The following WWC1 variants were observed in gnomAD, a reference collection of about 807,000 sequenced individuals.
The protein encoded by WWC1 is protein KIBRA.
Under a neutral mutation model 138.4 loss-of-function variants are expected in WWC1, and 55 were observed. That is an observed-to-expected ratio of 0.40 (90% CI 0.32 to 0.50). The LOEUF is 0.50. Ranked by LOEUF, WWC1 falls within the 20% of genes least tolerant of loss-of-function variation. The pLI, the probability that WWC1 is intolerant of heterozygous loss-of-function variation, is 0.72. For synonymous variants in WWC1, 524 were observed against 564.9 expected, an observed-to-expected ratio of 0.93 and a Z score of 1.03; for missense variants, 1,226 against 1,420.4, an observed-to-expected ratio of 0.86 and a Z score of 2.20.
At chr5:168,312,055 A>G (rs1771145277) in intron 1 of WWC1, among the ~76,000 whole-genome samples, 1 of 151,648 alleles carries the variant, frequency 6.6e-6, no homozygotes, top group African/African-American at 2.4e-5. Context: ...TCTAAAAAAA[A>G]AAAAATACAA....
intron 1 of WWC1, among the ~76,000 whole-genome samples, chr5:168,317,893 T>C (rs1234956240): frequency 6.6e-6 from 1 of 152,204 alleles, no homozygotes; most frequent in East Asian, 1.9e-4. Flanking sequence ...TGTAATGCAA[T>C]AGCCCAGTGA....
At chr5:168,345,392 A>G (rs1229621232) in intron 1 of WWC1, among the ~76,000 whole-genome samples, 1 of 152,206 alleles carries the variant, frequency 6.6e-6, no homozygotes, top group Non-Finnish European at 1.5e-5. Context: ...CTACCATGCC[A>G]GGCCTGAAAT....
chr5:168,333,448 G>T (rs922902860), intron 1 of WWC1, among the ~76,000 whole-genome samples: 1 of 152,224 alleles, frequency 6.6e-6, no homozygotes, highest in Non-Finnish European at 1.5e-5. Context: ...GCCTGAGAAT[G>T]CACCCTTGGT....
chr5:168,302,370 T>G (rs1770165645), intron 1 of WWC1, among the ~76,000 whole-genome samples: 2 of 152,194 alleles, frequency 1.3e-5, no homozygotes, highest in African/African-American at 4.8e-5. Flanking sequence ...GCAAAGTCCC[T>G]GCTGCAATGG....
chr5:168,330,315 A>G (rs1179900742), intron 1 of WWC1, among the ~76,000 whole-genome samples: 2 of 152,190 alleles, frequency 1.3e-5, no homozygotes, highest in African/African-American at 4.8e-5. Flanking sequence ...ACTGAGCAAC[A>G]ACCCCTTGGA....
At chr5:168,359,033 G>GGTGTGTGTGTGTGTGT (rs58992917) in intron 1 of WWC1, among the ~76,000 whole-genome samples, 86 of 148,304 alleles carry the variant, frequency 5.8e-4, no homozygotes, top group African/African-American at 2.1e-3. Context: ...GTGGTGGTGG[G>GGTGTGTGTGTGTGTGT]GTGTGTGTGT....
intron 8 of WWC1, among the ~76,000 whole-genome samples, chr5:168,411,046 C>T (rs1412629380): frequency 6.6e-6 from 1 of 151,870 alleles, no homozygotes; most frequent in Admixed American, 6.6e-5. Flanking sequence ...CTGCCTCAGC[C>T]TCCCGAGTAG....
At chr5:168,423,069 C>G (rs1028804393) in intron 10 of WWC1, among the ~76,000 whole-genome samples, 11 of 149,404 alleles carry the variant, frequency 7.4e-5, no homozygotes, top group Non-Finnish European at 1.6e-4. Context: ...TTGCTTAAAC[C>G]CAGGAGGCGG....
chr5:168,405,730 C>CT (rs540999364), intron 5 of WWC1, among the ~76,000 whole-genome samples: 1,449 of 131,968 alleles, frequency 0.011, 20 homozygotes, highest in Admixed American at 0.047. Flanking sequence ...TTCTTTCTTT[C>CT]TTTTTTTTTT....
chr5:168,325,526 G>A (rs557496929), intron 1 of WWC1, among the ~76,000 whole-genome samples: 1 of 152,264 alleles, frequency 6.6e-6, no homozygotes, highest in African/African-American at 2.4e-5. Flanking sequence ...ATGAAAAGTT[G>A]CCTGGAAGAG....
At chr5:168,313,171 G>A (rs1034333229) in intron 1 of WWC1, among the ~76,000 whole-genome samples, 5 of 152,042 alleles carry the variant, frequency 3.3e-5, no homozygotes, top group Admixed American at 6.5e-5. Flanking sequence ...CAGTTCACAG[G>A]GCCTGGTGGT....
At chr5:168,315,433 C>T (rs1358177175) in intron 1 of WWC1, among the ~76,000 whole-genome samples, 1 of 151,948 alleles carries the variant, frequency 6.6e-6, no homozygotes, top group Non-Finnish European at 1.5e-5. Flanking sequence ...GTGTCAACAC[C>T]GTGTGCCCGC....
At chr5:168,347,473 T>TGA (rs1774572240) in intron 1 of WWC1, among the ~76,000 whole-genome samples, 1 of 152,136 alleles carries the variant, frequency 6.6e-6, no homozygotes, top group Non-Finnish European at 1.5e-5. Flanking sequence ...GACCTTTCGT[T>TGA]GAGATGCTGA....
chr5:168,404,420 A>G (rs1026911794), intron 5 of WWC1, among the ~76,000 whole-genome samples: 1 of 152,212 alleles, frequency 6.6e-6, no homozygotes, highest in Non-Finnish European at 1.5e-5. Flanking sequence ...AGGAATAGAC[A>G]GGCTATTTTT....
intron 3 of WWC1, among the ~76,000 whole-genome samples, chr5:168,388,994 G>A (rs1274449075): frequency 6.6e-6 from 1 of 152,068 alleles, no homozygotes; most frequent in Non-Finnish European, 1.5e-5. Flanking sequence ...GAAGAGGGAT[G>A]GCAAGAAGAA....
intron 21 of WWC1, among the ~76,000 whole-genome samples, chr5:168,465,920 G>A (rs1757260063): frequency 6.6e-6 from 1 of 152,124 alleles, no homozygotes; most frequent in Admixed American, 6.6e-5. Context: ...ACCTTCCAAA[G>A]GTGCTGGGGG....
chr5:168,311,913 G>T (rs1198541385), intron 1 of WWC1, among the ~76,000 whole-genome samples: 1 of 151,906 alleles, frequency 6.6e-6, no homozygotes, highest in Non-Finnish European at 1.5e-5. Flanking sequence ...GCCGGGCATG[G>T]TGGCGCACAC....
At chr5:168,296,980 C>G (rs1273780574) in intron 1 of WWC1, among the ~76,000 whole-genome samples, 2 of 152,212 alleles carry the variant, frequency 1.3e-5, no homozygotes, top group African/African-American at 4.8e-5. Flanking sequence ...ACCTAGAGGG[C>G]AAATGTAGAT....
intron 1 of WWC1, among the ~76,000 whole-genome samples, chr5:168,319,121 G>A (rs896911939): frequency 3.9e-5 from 6 of 152,198 alleles, no homozygotes; most frequent in Admixed American, 3.3e-4. Context: ...GTGAACATAC[G>A]TGTATAAATA....
Sources: gnomAD v4.1 joint callset for allele counts (sites outside exome capture counted in the v4.1 genomes callset) on GRCh38, gnomAD v4.1.1 for gene constraint, MANE v1.5 for transcripts, NCBI Gene and HGNC (gene_info 2026-07-23, HGNC 2026-07-21) for gene names.